Variants in ZSCAN5A observed in about 807,000 individuals in gnomAD.
ZSCAN5A encodes zinc finger and SCAN domain containing 5A.
A neutral mutation model predicts 23.7 loss-of-function variants in ZSCAN5A; 12 were observed. That is an observed-to-expected ratio of 0.51 (90% CI 0.32 to 0.82). The LOEUF (loss-of-function observed/expected upper bound fraction) is 0.82, where lower values mean the gene tolerates loss of function less well. Ranked by LOEUF, ZSCAN5A falls within the 40% of genes least tolerant of loss-of-function variation. The pLI is 0.03. For synonymous variants in ZSCAN5A, 257 were observed against 239.9 expected, an observed-to-expected ratio of 1.07 and a Z score of -0.66; for missense variants, 597 against 617.9, an observed-to-expected ratio of 0.97 and a Z score of 0.36.
chr19:56,341,694 C>A, intron 2 of ZSCAN5A, among the ~76,000 whole-genome samples: 1 of 89,200 alleles, frequency 1.1e-5, no homozygotes, highest in Admixed American at 1.2e-4. Flanking sequence ...AGGCAGGTTA[C>A]CAAAAGGCAA....
chr19:56,361,531 A>T (rs1004833391), intron 2 of ZSCAN5A, among the ~76,000 whole-genome samples: 1 of 152,236 alleles, frequency 6.6e-6, no homozygotes, highest in African/African-American at 2.4e-5. Context: ...AGCCATAAAA[A>T]GGAACAAGAT....
Position 56,296,727 on chromosome 19 carries a change from G to A in ZSCAN5A, c.-128+16556C>T, listed in dbSNP as rs1001353802. Among the ~76,000 whole-genome samples, 15 of 151,984 alleles carry A rather than the reference G, an allele frequency of 9.9e-5. No individual in the cohort carries two copies. In the South Asian group the frequency reaches 1.7e-3, roughly 17 times the overall value. On this transcript the variant is annotated intron_variant, in intron 2 of 5. Transcript: ENST00000683990. ...ACAATAGAGTAATGGGGATGGAAACGCAGTGCGGGAAACTTAAGTTTTTTG... is the reference window on the plus strand; with the variant it reads ...ACAATAGAGTAATGGGGATGGAAACACAGTGCGGGAAACTTAAGTTTTTTG...
intron 2 of ZSCAN5A, among the ~76,000 whole-genome samples, chr19:56,261,758 C>A (rs2146864905): frequency 6.6e-6 from 1 of 152,286 alleles, no homozygotes; most frequent in East Asian, 1.9e-4. Flanking sequence ...TTGAAAATTT[C>A]ACATGTAAAA....
intron 2 of ZSCAN5A, among the ~76,000 whole-genome samples, chr19:56,291,730 T>C (rs1043081490): frequency 6.6e-6 from 1 of 152,140 alleles, no homozygotes; most frequent in Non-Finnish European, 1.5e-5. Flanking sequence ...AACTCTCAGC[T>C]TTTGACCATC....
chr19:56,241,821 CTTTTT>C lies in ZSCAN5A; in HGVS notation c.-127-16653_-127-16649del, dbSNP rs564526639. On this transcript the variant is annotated intron_variant, in intron 2 of 5. Transcript: ENST00000683990. ...AAATTATTATTCATGTCATCTACTT[CTTTTT>C]TAATTTTTTAAATGATTTTAACTTG... is the stretch of plus-strand genomic sequence containing the variant. 5.9e-5 allele frequency among the ~76,000 whole-genome samples: 9 copies of C among 152,236 alleles called. No individual in the cohort carries two copies. In the East Asian group the frequency reaches 1.3e-3, roughly 23 times the overall value.
intron 2 of ZSCAN5A, chr19:56,274,387 G>A (rs1042766320): frequency 6.6e-6 from 1 of 151,754 alleles, no homozygotes; most frequent in Non-Finnish European, 1.5e-5. Context: ...TCAGGAGGTG[G>A]AGGTTGCAGT....
chr19:56,274,233 T>G (rs1200926994), intron 2 of ZSCAN5A, among the ~76,000 whole-genome samples: 1 of 152,012 alleles, frequency 6.6e-6, no homozygotes, highest in African/African-American at 2.4e-5. Context: ...GCAGCTGGAT[T>G]ATTTGAGGTC....
chr19:56,319,872 C>T (rs2041356952), intron 2 of ZSCAN5A: 1 of 824,064 alleles, frequency 1.2e-6, no homozygotes, highest in Admixed American at 1.7e-5. Flanking sequence ...CTTCCAGACA[C>T]CCTTCCTTTT....
At chr19:56,223,553 A>G in intron 4 of ZSCAN5A, 78 bp downstream of exon 4, 1 of 1,461,130 alleles carries the variant, frequency 6.8e-7, no homozygotes, top group Non-Finnish European at 9.4e-7. Flanking sequence ...CAAATCTCTC[A>G]ATCAGTCCAG....
chr19:56,229,150 G>A (rs1221178313), intron 2 of ZSCAN5A, among the ~76,000 whole-genome samples: 1 of 152,168 alleles, frequency 6.6e-6, no homozygotes, highest in Non-Finnish European at 1.5e-5. Context: ...AATTTGGGAA[G>A]TTCACACCAT....
At chr19:56,293,222 C>T (rs1188823868) in intron 2 of ZSCAN5A, among the ~76,000 whole-genome samples, 1 of 152,206 alleles carries the variant, frequency 6.6e-6, no homozygotes, top group African/African-American at 2.4e-5. Flanking sequence ...AAGTGCTTGA[C>T]TCATGACAGT....
chr19:56,228,352 G>A (rs1190972005), intron 2 of ZSCAN5A: 10 of 985,352 alleles, frequency 1.0e-5, no homozygotes, highest in Non-Finnish European at 1.1e-5. Flanking sequence ...GGGACTCCAG[G>A]CCGCGTTTCC....
chr19:56,242,805 T>A (rs2035532963), intron 2 of ZSCAN5A, among the ~76,000 whole-genome samples: 3 of 152,016 alleles, frequency 2.0e-5, no homozygotes, highest in Non-Finnish European at 2.9e-5. Flanking sequence ...TGAGACGGAG[T>A]CTCGCTCTTG....
At chr19:56,296,311 C>G (rs1012909415) in intron 2 of ZSCAN5A, 6 of 152,210 alleles carry the variant, frequency 3.9e-5, no homozygotes, top group African/African-American at 1.4e-4. Flanking sequence ...TTCTGACTCG[C>G]GTTGTATGCC....
At chr19:56,251,682 A>C (rs1476411293) in intron 2 of ZSCAN5A, among the ~76,000 whole-genome samples, 1 of 152,126 alleles carries the variant, frequency 6.6e-6, no homozygotes, top group Non-Finnish European at 1.5e-5. Context: ...GATTGTGTTA[A>C]GTGAAATAAG....
chr19:56,306,152 C>A (rs1335630066), intron 2 of ZSCAN5A, among the ~76,000 whole-genome samples: 2 of 152,162 alleles, frequency 1.3e-5, no homozygotes, highest in African/African-American at 4.8e-5. Flanking sequence ...AGTGTAGAGG[C>A]CAGTTAAGAG....
chr19:56,354,459 A>G (rs1487496478), intron 2 of ZSCAN5A: 1 of 152,204 alleles, frequency 6.6e-6, no homozygotes, highest in Non-Finnish European at 1.5e-5. Context: ...CACCAGTTGG[A>G]TTGATGGGCA....
At chr19:56,287,065 C>T (rs1042513044) in intron 2 of ZSCAN5A, among the ~76,000 whole-genome samples, 1 of 152,198 alleles carries the variant, frequency 6.6e-6, no homozygotes, top group Admixed American at 6.5e-5. Context: ...CTCCTTCCCA[C>T]CCCCACCATT....
intron 2 of ZSCAN5A, among the ~76,000 whole-genome samples, chr19:56,253,623 T>TAAG (rs56133577): frequency 0.64 from 96,537 of 151,854 alleles, 31,849 homozygotes; most frequent in African/African-American, 0.82. Flanking sequence ...GTTGTGATAT[T>TAAG]AAGGACTGAG....
Sources: gnomAD v4.1 joint callset for allele counts (sites outside exome capture counted in the v4.1 genomes callset) on GRCh38, gnomAD v4.1.1 for gene constraint, MANE v1.5 for transcripts, NCBI Gene and HGNC (gene_info 2026-07-23, HGNC 2026-07-21) for gene names.